The following VWA8 variants were observed in gnomAD, a reference collection of about 807,000 sequenced individuals.
VWA8 encodes von Willebrand factor A domain-containing protein 8.
VWA8 carries 221 observed loss-of-function variants against 241.5 expected under a neutral mutation model. The observed-to-expected ratio is 0.91, with a 90% CI of 0.82 to 1.02. The LOEUF (loss-of-function observed/expected upper bound fraction) is 1.02, where lower values mean the gene tolerates loss of function less well. Ranked by LOEUF, VWA8 falls within the 50% of genes least tolerant of loss-of-function variation. The pLI, the probability that VWA8 is intolerant of heterozygous loss-of-function variation, is 0.00. For missense variants in VWA8, 2,322 were observed against 2,328.7 expected, an observed-to-expected ratio of 1.00 and a Z score of 0.06; for synonymous variants, 852 against 827.1, an observed-to-expected ratio of 1.03 and a Z score of -0.52.
chr13:41,943,577 T>C (rs1313786600), intron 2 of VWA8, among the ~76,000 whole-genome samples: 2 of 152,056 alleles, frequency 1.3e-5, no homozygotes, highest in Admixed American at 6.6e-5. Flanking sequence ...AATGAGAAAA[T>C]GACTAAGCAA....
intron 4 of VWA8, among the ~76,000 whole-genome samples, chr13:41,901,497 G>A (rs1364582907): frequency 6.6e-6 from 1 of 152,040 alleles, no homozygotes; most frequent in Non-Finnish European, 1.5e-5. Flanking sequence ...CACAACGTAG[G>A]TCTCCCAATA....
In VWA8 at chr13:41,701,336, C is replaced by G; in HGVS notation, c.3364+56G>C. 6.1e-6 allele frequency: 9 copies of G among 1,474,434 alleles called. No homozygotes were observed. The Middle Eastern group carries it at 1.7e-3, about 271-fold the overall frequency. The allele number at this position is 1,474,434 out of a possible 1,614,324, so 91.3% of individuals were successfully genotyped here. A position where few individuals can be genotyped will look rare whatever the true frequency, so the allele number is the denominator to read the frequency against. The stretch of plus-strand genomic sequence containing the variant: ...TTGATGTCTAGAGATTATTTTAATC[C>G]ATCTTTTAAAAAAACATGTGCAGGA... On this transcript the variant is annotated intron_variant, in intron 28 of 44. Transcript: ENST00000379310.
intron 21 of VWA8, among the ~76,000 whole-genome samples, chr13:41,739,015 A>G (rs189946357): frequency 3.9e-5 from 6 of 152,318 alleles, no homozygotes; most frequent in Admixed American, 1.3e-4. Context: ...AGACAAAATT[A>G]GTGAGTGACC....
chr13:41,728,073 T>G (rs373539166), intron 23 of VWA8, among the ~76,000 whole-genome samples: 7 of 152,064 alleles, frequency 4.6e-5, no homozygotes, highest in East Asian at 3.8e-4. Context: ...ACCCCACCCT[T>G]AAGTTGCCCA....
At chr13:41,819,648 T>G (rs768163363) in intron 14 of VWA8, among the ~76,000 whole-genome samples, 2 of 152,226 alleles carry the variant, frequency 1.3e-5, no homozygotes, top group Non-Finnish European at 2.9e-5. Flanking sequence ...GAACCACTGC[T>G]TTTGATATAC....
intron 8 of VWA8, among the ~76,000 whole-genome samples, chr13:41,884,572 G>A (rs1874420678): frequency 7.9e-6 from 1 of 125,820 alleles, no homozygotes; most frequent in Non-Finnish European, 1.8e-5. Context: ...ACTTCCAAAT[G>A]GTTCAGGAAA....
At chr13:41,887,628 T>C (rs900635558) in intron 5 of VWA8, among the ~76,000 whole-genome samples, 3 of 152,140 alleles carry the variant, frequency 2.0e-5, no homozygotes, top group Admixed American at 1.3e-4. Flanking sequence ...CTCCAAGCCT[T>C]AGTCAGTAAC....
intron 2 of VWA8, among the ~76,000 whole-genome samples, chr13:41,939,407 G>A (rs1175837160): frequency 6.6e-6 from 1 of 152,100 alleles, no homozygotes; most frequent in African/African-American, 2.4e-5. Flanking sequence ...ACACTTACAG[G>A]TGAGAGACTT....
At chr13:41,580,003 C>T (rs1321966745) in intron 42 of VWA8, among the ~76,000 whole-genome samples, 4 of 151,898 alleles carry the variant, frequency 2.6e-5, no homozygotes, top group African/African-American at 9.7e-5. Flanking sequence ...TGCGCCGCCA[C>T]ACCTGGCTAA....
At chr13:41,654,443 C>T (rs1459411765) in intron 37 of VWA8, among the ~76,000 whole-genome samples, 1 of 152,146 alleles carries the variant, frequency 6.6e-6, no homozygotes, top group Non-Finnish European at 1.5e-5. Flanking sequence ...ACAATTTTTC[C>T]AGGGACAGGG....
At chr13:41,720,212 C>T (rs933964356) in intron 25 of VWA8, among the ~76,000 whole-genome samples, 3 of 152,030 alleles carry the variant, frequency 2.0e-5, no homozygotes, top group African/African-American at 7.2e-5. Flanking sequence ...GTGCAAACAA[C>T]AGAGAAACAG....
rs760210746 is a variant in VWA8 at position 41,891,499 on chromosome 13, T to C, written c.572A>G (p.Asn191Ser). 8.1e-6 allele frequency: 13 copies of C among 1,614,216 alleles called. No homozygotes were observed. In the Middle Eastern group the frequency reaches 1.3e-3, roughly 164 times the overall value. Residue 191 changes from asparagine (N) to serine (S), a missense_variant, in exon 5 of 45, where the codon AAC (asparagine) becomes AGC (serine). Transcript: ENST00000379310. ...CTGCATCTCTCTGTTTTCCAGCAAG[T>C]TGTTCAAAACAGGCAAAACATTCCT... Reference protein sequence around the residue: ...AERNVLPVLNNLLENREMQLE... With the variant: ...AERNVLPVLNSLLENREMQLE...
intron 17 of VWA8, among the ~76,000 whole-genome samples, chr13:41,805,926 C>T (rs1171627036): frequency 6.6e-6 from 1 of 151,512 alleles, no homozygotes; most frequent in Non-Finnish European, 1.5e-5. Flanking sequence ...AATACACATT[C>T]TTCTCAGCAC....
At position 41,887,341 on chromosome 13, in the gene VWA8, C is replaced by T; in HGVS notation, c.672G>A (p.Leu224=). 6.2e-7 allele frequency: 1 copy of T among 1,612,164 alleles called. No homozygotes were observed. The highest frequency in any genetic ancestry group is 8.5e-7 in the Non-Finnish European group (1 of 1,179,438). The change falls in exon 6 of 45, where the codon TTG becomes TTA. Residue 224 remains leucine (L), a synonymous_variant. Coordinates refer to ENST00000379310, the MANE Select transcript of VWA8 (RefSeq NM_015058.2). ...KLLRDHTKKE[L]DSWKIVRVSE... is the part of the protein sequence containing the mutation. ...TAACTCGGACAATTTTCCAAGAATC[C>T]AACTCTTTTTTGGTATGATCCTATA...
intron 37 of VWA8, among the ~76,000 whole-genome samples, chr13:41,662,969 G>C (rs1026318005): frequency 1.3e-5 from 2 of 152,110 alleles, no homozygotes; most frequent in African/African-American, 2.4e-5. Flanking sequence ...AAAACCAGAA[G>C]ACTCTGGAGG....
At chr13:41,771,065 TTATGA>T (rs2045819416) in intron 20 of VWA8, among the ~76,000 whole-genome samples, 2 of 152,330 alleles carry the variant, frequency 1.3e-5, no homozygotes, top group East Asian at 1.9e-4. Context: ...CCAAGTGATG[TTATGA>T]TATGTAGATC....
intron 26 of VWA8, among the ~76,000 whole-genome samples, chr13:41,708,706 A>G (rs1362827974): frequency 6.6e-6 from 1 of 152,224 alleles, no homozygotes; most frequent in Non-Finnish European, 1.5e-5. Context: ...AGAAATGCAG[A>G]GTAATCTAGA....
chr13:41,790,700 A>G (rs889342693), intron 17 of VWA8, among the ~76,000 whole-genome samples: 1 of 151,962 alleles, frequency 6.6e-6, no homozygotes, highest in Non-Finnish European at 1.5e-5. Flanking sequence ...TAATTTTTCT[A>G]CAATAAAAGT....
chr13:41,605,239 T>C lies in VWA8; in HGVS notation c.4915A>G (p.Thr1639Ala). 3.1e-6 allele frequency: 5 copies of C among 1,613,174 alleles called. No homozygotes were observed. Among genetic ancestry groups the C allele is most frequent in the Middle Eastern group, 1.7e-4 (1 of 6,052 alleles). Reference sequence around the variant, plus strand: ...ACAGCACCTGAAAACCTTTCATAGGTTGCAGCATCGTATTCACTCATTTGG... The same window carrying C: ...ACAGCACCTGAAAACCTTTCATAGGCTGCAGCATCGTATTCACTCATTTGG... ...EIQMSEYDAA[T>A]YERFSGAVRR... The change falls in exon 40 of 45, where the codon ACC becomes GCC. Residue 1639 changes from threonine to alanine, a missense_variant. Coordinates refer to ENST00000379310, the MANE Select transcript of VWA8 (RefSeq NM_015058.2).
Sources: allele counts gnomAD v4.1 joint callset (sites outside exome capture counted in the v4.1 genomes callset), GRCh38; gene constraint gnomAD v4.1.1; transcripts MANE v1.5; gene names NCBI Gene and HGNC (gene_info 2026-07-23, HGNC 2026-07-21).